Variants in SPATS2 observed in about 807,000 individuals in gnomAD.
SPATS2 encodes the protein spermatogenesis associated serine rich 2.
In SPATS2, 38 loss-of-function variants were observed where a neutral mutation model predicts 63.7. The ratio of observed to expected loss-of-function variants is 0.60; its 90% CI spans 0.46 to 0.78. The LOEUF is 0.78. SPATS2 is among the 30% of genes least tolerant of loss of function. The pLI is 0.00. For synonymous variants in SPATS2, 207 were observed against 232.9 expected (o/e 0.89, Z 1.01); for missense variants, 588 against 666.2 (o/e 0.88, Z 1.29).
In SPATS2 at chr12:49,405,199, G is replaced by A. The variant is rs12314657; in HGVS notation, c.-244+33909G>A. On this transcript the variant is annotated intron_variant, in intron 2 of 13. Transcript: ENST00000552918. ...AGCTACCATTCATTTTCTATGTGCA[G>A]TCTACCCTGCTAGATGCTTTACATA... Among the ~76,000 whole-genome samples, 480 of 152,160 alleles carry A rather than the reference G, an allele frequency of 3.2e-3. 5 individuals are homozygous for A. The highest frequency in any genetic ancestry group is 0.011 in the African/African-American group (447 of 41,508).
chr12:49,435,635 TTTC>T (rs1161088118), intron 2 of SPATS2, among the ~76,000 whole-genome samples: 6 of 133,260 alleles, frequency 4.5e-5, no homozygotes, highest in Admixed American at 1.5e-4. Context: ...TACTGAATGG[TTTC>T]TTTTTTTTTT....
At chr12:49,506,354 G>A (rs1189542204) in intron 9 of SPATS2, among the ~76,000 whole-genome samples, 1 of 152,168 alleles carries the variant, frequency 6.6e-6, no homozygotes, top group Non-Finnish European at 1.5e-5. Context: ...TACGTGGCTG[G>A]GAAGGCCTCA....
At chr12:49,421,684 G>A (rs1490108727) in intron 2 of SPATS2, among the ~76,000 whole-genome samples, 1 of 152,148 alleles carries the variant, frequency 6.6e-6, no homozygotes, top group Non-Finnish European at 1.5e-5. Context: ...TCCAGTGTCT[G>A]TTAGTTTTAG....
intron 2 of SPATS2, among the ~76,000 whole-genome samples, chr12:49,432,657 A>G (rs758747609): frequency 6.6e-6 from 1 of 152,234 alleles, no homozygotes; most frequent in African/African-American, 2.4e-5. Flanking sequence ...TTTACCTCAT[A>G]TAAGTGGAAT....
At chr12:49,514,009 T>C (rs1946796797) in intron 9 of SPATS2, among the ~76,000 whole-genome samples, 1 of 151,738 alleles carries the variant, frequency 6.6e-6, no homozygotes, top group African/African-American at 2.4e-5. Context: ...ACAAAAAAAA[T>C]AGACGAGCGT....
chr12:49,436,484 C>G (rs1945292938), intron 2 of SPATS2, among the ~76,000 whole-genome samples: 1 of 138,134 alleles, frequency 7.2e-6, no homozygotes, highest in Non-Finnish European at 1.6e-5. Flanking sequence ...CAGGCAGAGG[C>G]GCCCCTTACC....
In SPATS2 at chr12:49,448,729, A is replaced by C. The variant is rs1326506520; in HGVS notation, c.-243-12041A>C. On this transcript the variant is annotated intron_variant, in intron 2 of 13. Transcript: ENST00000552918. ...CCCTGTCTCAAAAAAAAAAAAAAAA[A>C]AAAAAGCATGTTCTTTAATTTTGAA... 2.0e-5 allele frequency among the ~76,000 whole-genome samples: 3 copies of C among 151,790 alleles called. No homozygotes were observed. The East Asian group carries it at 5.8e-4, about 29-fold the overall frequency.
chr12:49,384,619 T>G (rs1444319765), intron 2 of SPATS2, among the ~76,000 whole-genome samples: 1 of 152,188 alleles, frequency 6.6e-6, no homozygotes, highest in East Asian at 1.9e-4. Flanking sequence ...CATACTGCAA[T>G]TTTGCTTTCA....
At chr12:49,519,252 C>T in intron 11 of SPATS2, 70 bp downstream of exon 11, 1 of 1,241,310 alleles carries the variant, frequency 8.1e-7, no homozygotes, top group Non-Finnish European at 1.1e-6. Context: ...TTTCATAATT[C>T]ATGGCCATAT....
chr12:49,397,024 A>G (rs1233867419), intron 2 of SPATS2, among the ~76,000 whole-genome samples: 3 of 151,920 alleles, frequency 2.0e-5, no homozygotes, highest in African/African-American at 7.3e-5. Flanking sequence ...CACCATTCCT[A>G]CCCATGCTAC....
intron 2 of SPATS2, among the ~76,000 whole-genome samples, chr12:49,375,411 T>G (rs1325436648): frequency 6.6e-6 from 1 of 152,182 alleles, no homozygotes. Flanking sequence ...TTAAATAACT[T>G]GCTTTTGTTT....
chr12:49,377,295 T>C (rs988764108), intron 2 of SPATS2, among the ~76,000 whole-genome samples: 1 of 152,190 alleles, frequency 6.6e-6, no homozygotes, highest in Non-Finnish European at 1.5e-5. Context: ...TATAGGATAT[T>C]ATTATATGAT....
At chr12:49,512,944 A>G in intron 9 of SPATS2, 1 of 1,281,506 alleles carries the variant, frequency 7.8e-7, no homozygotes, top group Non-Finnish European at 1.0e-6. Flanking sequence ...TTGCTACCCC[A>G]CAATAATTGT....
chr12:49,514,472 G>T, intron 9 of SPATS2, 83 bp from the exon 10 acceptor site: 1 of 1,292,694 alleles, frequency 7.7e-7, no homozygotes, highest in Non-Finnish European at 1.1e-6. Context: ...AAACTCACTG[G>T]TCTTTCTTTA....
chr12:49,433,622 T>C (rs1377633036), intron 2 of SPATS2, among the ~76,000 whole-genome samples: 1 of 151,608 alleles, frequency 6.6e-6, no homozygotes, highest in Non-Finnish European at 1.5e-5. Context: ...CTTTGCCTAT[T>C]GTACAGTTGG....
At chr12:49,441,124 TAATA>T (rs1398959437) in intron 2 of SPATS2, among the ~76,000 whole-genome samples, 1 of 152,204 alleles carries the variant, frequency 6.6e-6, no homozygotes, top group Non-Finnish European at 1.5e-5. Flanking sequence ...TTAAATAGTG[TAATA>T]AATGATCATC....
At chr12:49,521,027 A>G (rs908844909) in intron 11 of SPATS2, among the ~76,000 whole-genome samples, 3 of 152,148 alleles carry the variant, frequency 2.0e-5, no homozygotes, top group Admixed American at 1.3e-4. Flanking sequence ...CCAAATTCTT[A>G]TATAAAGAAC....
At chr12:49,519,746 C>T (rs1299392913) in intron 11 of SPATS2, among the ~76,000 whole-genome samples, 1 of 152,146 alleles carries the variant, frequency 6.6e-6, no homozygotes, top group Non-Finnish European at 1.5e-5. Flanking sequence ...CTTCTACACT[C>T]CACAGACACA....
chr12:49,522,900 TAGAG>T, intron 12 of SPATS2, 47 bp downstream of exon 12: 2 of 1,506,410 alleles, frequency 1.3e-6, no homozygotes. Context: ...GATTATTAAT[TAGAG>T]ACTGACGTGC....
Sources: gnomAD v4.1 joint callset for allele counts (sites outside exome capture counted in the v4.1 genomes callset) on GRCh38, gnomAD v4.1.1 for gene constraint, MANE v1.5 for transcripts, NCBI Gene and HGNC (gene_info 2026-07-23, HGNC 2026-07-21) for gene names.